The following CTNNA3 variants were observed in gnomAD, a reference collection of about 807,000 sequenced individuals.
CTNNA3 encodes the protein catenin alpha 3, also known as catenin alpha-3.
Under a neutral mutation model 95.7 loss-of-function variants are expected in CTNNA3, and 76 were observed. The observed-to-expected ratio is 0.79, with a 90% confidence interval of 0.66 to 0.96. CTNNA3 has a LOEUF of 0.96. Ranked by LOEUF, CTNNA3 falls within the 40% of genes least tolerant of loss-of-function variation. The pLI is 0.00. For synonymous variants in CTNNA3, 431 were observed against 374.4 expected, an observed-to-expected ratio of 1.15 and a Z score of -1.74; for missense variants, 1,191 against 1,089.8, an observed-to-expected ratio of 1.09 and a Z score of -1.31.
At chr10:67,597,698 G>T (rs1157659694) in intron 3 of CTNNA3, among the ~76,000 whole-genome samples, 2 of 152,178 alleles carry the variant, frequency 1.3e-5, no homozygotes, top group Non-Finnish European at 2.9e-5. Flanking sequence ...TCATCAGGGT[G>T]GTGTCAGTGG....
intron 7 of CTNNA3, among the ~76,000 whole-genome samples, chr10:66,949,383 C>A (rs1467714959): frequency 1.3e-5 from 2 of 152,020 alleles, no homozygotes; most frequent in Non-Finnish European, 2.9e-5. Context: ...ATGGAGAAAC[C>A]CCGTCTCTAC....
chr10:66,863,645 G>A (rs1844046372), intron 7 of CTNNA3, among the ~76,000 whole-genome samples: 1 of 152,156 alleles, frequency 6.6e-6, no homozygotes, highest in Middle Eastern at 3.2e-3. Flanking sequence ...GGCTTGAGCT[G>A]ATTTGCAGGG....
At chr10:66,794,916 T>A (rs1443296240) in intron 7 of CTNNA3, among the ~76,000 whole-genome samples, 1 of 152,156 alleles carries the variant, frequency 6.6e-6, no homozygotes, top group Non-Finnish European at 1.5e-5. Context: ...GAGAAGCAAC[T>A]CCTCATCTGT....
intron 7 of CTNNA3, among the ~76,000 whole-genome samples, chr10:66,950,777 A>G (rs552886905): frequency 2.1e-4 from 32 of 152,294 alleles, no homozygotes; most frequent in African/African-American, 7.7e-4. Context: ...AAAACAAAAA[A>G]GCATGAGTTC....
chr10:66,564,761 A>G (rs1283969068), intron 10 of CTNNA3, among the ~76,000 whole-genome samples: 1 of 152,190 alleles, frequency 6.6e-6, no homozygotes, highest in Non-Finnish European at 1.5e-5. Flanking sequence ...ACTAACATAT[A>G]ATACTGAGCT....
intron 14 of CTNNA3, among the ~76,000 whole-genome samples, chr10:66,092,886 C>T (rs1311049674): frequency 6.6e-6 from 1 of 151,672 alleles, no homozygotes; most frequent in Non-Finnish European, 1.5e-5. Flanking sequence ...AAAATTTTGA[C>T]AACGGAAAAA....
intron 5 of CTNNA3, among the ~76,000 whole-genome samples, chr10:67,437,819 C>G (rs1019927410): frequency 9.2e-5 from 14 of 151,480 alleles, no homozygotes; most frequent in Admixed American, 2.6e-4. Flanking sequence ...GTAAAATAAG[C>G]CTATAATTAC....
At chr10:66,048,144 AC>A (rs1218880007) in intron 15 of CTNNA3, among the ~76,000 whole-genome samples, 16 of 152,272 alleles carry the variant, frequency 1.1e-4, no homozygotes, top group Admixed American at 1.0e-3. Flanking sequence ...TTTATATGGA[AC>A]CAAAAAGAGT....
At chr10:66,602,875 G>T (rs1347577389) in intron 10 of CTNNA3, among the ~76,000 whole-genome samples, 1 of 151,992 alleles carries the variant, frequency 6.6e-6, no homozygotes, top group African/African-American at 2.4e-5. Flanking sequence ...TACTGAAAAA[G>T]CTTTTGATAA....
chr10:66,209,040 C>T (rs1326996994), intron 13 of CTNNA3, among the ~76,000 whole-genome samples: 1 of 152,002 alleles, frequency 6.6e-6, no homozygotes, highest in Non-Finnish European at 1.5e-5. Context: ...TATTTTTATG[C>T]AAATGCATAT....
At chr10:67,096,518 T>G (rs1251844256) in intron 7 of CTNNA3, among the ~76,000 whole-genome samples, 1 of 151,866 alleles carries the variant, frequency 6.6e-6, no homozygotes, top group East Asian at 1.9e-4. Context: ...GCTTTTATCC[T>G]CCAGAGAATT....
intron 5 of CTNNA3, among the ~76,000 whole-genome samples, chr10:67,320,332 T>C (rs1208949225): frequency 6.6e-6 from 1 of 152,060 alleles, no homozygotes; most frequent in Non-Finnish European, 1.5e-5. Context: ...GTGCAGAACA[T>C]ATGAGGGAGG....
chr10:66,644,292 G>C (rs141733429), intron 9 of CTNNA3, among the ~76,000 whole-genome samples: 6,808 of 78,598 alleles, frequency 0.087, 560 homozygotes, highest in African/African-American at 0.36. Context: ...CTGTCTGTCT[G>C]TCTCTCTCTC....
intron 7 of CTNNA3, among the ~76,000 whole-genome samples, chr10:67,144,873 T>C (rs972994419): frequency 6.6e-6 from 1 of 152,236 alleles, no homozygotes; most frequent in African/African-American, 2.4e-5. Flanking sequence ...CTTTTTGGTA[T>C]AAGAGGCCTA....
chr10:66,831,723 A>G (rs1842726923), intron 7 of CTNNA3, among the ~76,000 whole-genome samples: 2 of 152,316 alleles, frequency 1.3e-5, no homozygotes, highest in South Asian at 4.1e-4. Flanking sequence ...GAGATGCAGG[A>G]AAGCAGAGGA....
At chr10:67,686,830 G>A (rs1815033798) in intron 1 of CTNNA3, among the ~76,000 whole-genome samples, 1 of 152,040 alleles carries the variant, frequency 6.6e-6, no homozygotes, top group Non-Finnish European at 1.5e-5. Context: ...TTGTCCTGTG[G>A]GAAGGCTTAA....
intron 6 of CTNNA3, among the ~76,000 whole-genome samples, chr10:67,192,177 A>G (rs1589844969): frequency 6.6e-6 from 1 of 152,024 alleles, no homozygotes; most frequent in Admixed American, 6.6e-5. Context: ...GGTCTCAACA[A>G]TGTCTTTTTA....
chr10:66,504,635 T>C (rs1371581013), intron 11 of CTNNA3, among the ~76,000 whole-genome samples: 1 of 152,176 alleles, frequency 6.6e-6, no homozygotes, highest in Admixed American at 6.5e-5. Context: ...ATCCTTCATC[T>C]AATCTATAAA....
intron 3 of CTNNA3, among the ~76,000 whole-genome samples, chr10:67,567,528 C>A (rs1325276931): frequency 2.0e-5 from 3 of 152,108 alleles, no homozygotes; most frequent in Admixed American, 6.6e-5. Context: ...AAAGCCCTGA[C>A]TTAACCACTA....
Sources: allele counts gnomAD v4.1 joint callset (sites outside exome capture counted in the v4.1 genomes callset), GRCh38; gene constraint gnomAD v4.1.1; transcripts MANE v1.5; gene names NCBI Gene and HGNC (gene_info 2026-07-23, HGNC 2026-07-21).